The following PLOD2 variants were observed in gnomAD, a reference collection of about 807,000 sequenced individuals.
The protein encoded by PLOD2 is lysine hydroxylase 2.
In PLOD2, 65 loss-of-function variants were observed where a neutral mutation model predicts 101.0. The ratio of observed to expected loss-of-function variants is 0.64; its 90% confidence interval spans 0.53 to 0.79. The LOEUF (loss-of-function observed/expected upper bound fraction) is 0.79. Ranked by LOEUF, PLOD2 falls within the 30% of genes least tolerant of loss-of-function variation. PLOD2 has a pLI of 0.00. For missense variants in PLOD2, 909 were observed against 914.6 expected, an observed-to-expected ratio of 0.99 and a Z score of 0.08; for synonymous variants, 314 against 302.9, an observed-to-expected ratio of 1.04 and a Z score of -0.38.
At chr3:146,151,356 G>A (rs1363961551) in intron 1 of PLOD2, among the ~76,000 whole-genome samples, 1 of 152,180 alleles carries the variant, frequency 6.6e-6, no homozygotes, top group African/African-American at 2.4e-5. Flanking sequence ...AATTAGCAGG[G>A]CATAGTAGCG....
At chr3:146,109,977 A>T (rs1033770598) in intron 4 of PLOD2, among the ~76,000 whole-genome samples, 1 of 152,136 alleles carries the variant, frequency 6.6e-6, no homozygotes, top group African/African-American at 2.4e-5. Flanking sequence ...AAAATTCTCA[A>T]TGTGTCATAA....
chr3:146,075,325 A>G (rs1440815460), intron 15 of PLOD2, among the ~76,000 whole-genome samples: 1 of 151,508 alleles, frequency 6.6e-6, no homozygotes, highest in African/African-American at 2.4e-5. Context: ...TGAGTCTGCA[A>G]TTTAAAACTT....
rs1362247996 is a variant in PLOD2, at chr3:146,158,761, G to T, written c.109+2120C>A. 2.0e-5 allele frequency among the ~76,000 whole-genome samples: 3 copies of T among 151,824 alleles called. No homozygotes were observed. The East Asian group carries it at 5.8e-4, about 29-fold the overall frequency. On this transcript the variant is annotated intron_variant, in intron 1 of 19. Coordinates refer to ENST00000282903, the MANE Select transcript of PLOD2 (RefSeq NM_182943.3). ...CTGCTAAACATCAATGCACAGGATA[G>T]TCCCTCAAAGCAAAGAAGTGTCTGG...
intron 3 of PLOD2, among the ~76,000 whole-genome samples, chr3:146,117,440 T>C (rs1276072338): frequency 1.3e-5 from 2 of 152,132 alleles, no homozygotes; most frequent in African/African-American, 4.8e-5. Context: ...TTCAACTAGA[T>C]TCATTACTCT....
At chr3:146,155,682 TC>T (rs1195711071) in intron 1 of PLOD2, among the ~76,000 whole-genome samples, 1 of 134,872 alleles carries the variant, frequency 7.4e-6, no homozygotes, top group Non-Finnish European at 1.5e-5. Context: ...GCCACTGCAC[TC>T]CAGCCTGGGC....
intron 1 of PLOD2, among the ~76,000 whole-genome samples, chr3:146,149,920 G>A (rs1379786159): frequency 6.6e-6 from 1 of 151,866 alleles, no homozygotes; most frequent in Admixed American, 6.6e-5. Context: ...GAAACAGTAG[G>A]AAAAATAGCC....
intron 4 of PLOD2, among the ~76,000 whole-genome samples, chr3:146,107,835 G>T (rs1183904175): frequency 1.3e-5 from 2 of 151,548 alleles, no homozygotes; most frequent in African/African-American, 4.9e-5. Context: ...GTAGAGATGG[G>T]GTTTCGCCAT....
intron 8 of PLOD2, among the ~76,000 whole-genome samples, chr3:146,091,126 T>C (rs1936957020): frequency 6.6e-6 from 1 of 151,882 alleles, no homozygotes; most frequent in Non-Finnish European, 1.5e-5. Flanking sequence ...TATAACTATC[T>C]ATGAAATACA....
chr3:146,125,481 T>C lies in PLOD2; in HGVS notation c.110-1252A>G, dbSNP rs2030498283. ...GTATTTCTTGGCCAGGCACGGTAGG[T>C]CATGCCTGTAATCTCAGCACTTTGG... On this transcript the variant is annotated intron_variant, in intron 1 of 19. Transcript: ENST00000282903. Among the ~76,000 whole-genome samples the C allele has an allele frequency of 2.0e-5, 3 of 152,130 alleles. No individual in the cohort carries two copies. In the South Asian group the frequency reaches 6.2e-4, roughly 32 times the overall value.
At chr3:146,097,794 AT>A (rs1937254571) in intron 7 of PLOD2, among the ~76,000 whole-genome samples, 1 of 32,244 alleles carries the variant, frequency 3.1e-5, no homozygotes, top group African/African-American at 8.3e-5. Flanking sequence ...AGAATGATCA[AT>A]AAAAAAAAAA....
At chr3:146,116,230 C>CACACAG (rs1319379600) in intron 3 of PLOD2, among the ~76,000 whole-genome samples, 1 of 151,824 alleles carries the variant, frequency 6.6e-6, no homozygotes, top group Non-Finnish European at 1.5e-5. Flanking sequence ...ACCCTCAAAA[C>CACACAG]ACACAGACAC....
At chr3:146,154,748 G>A (rs955102878) in intron 1 of PLOD2, among the ~76,000 whole-genome samples, 1 of 152,004 alleles carries the variant, frequency 6.6e-6, no homozygotes, top group African/African-American at 2.4e-5. Flanking sequence ...ATTTTAAAAT[G>A]ATTTTTATTT....
Position 146,091,863 on chromosome 3 carries a change from T to C in PLOD2, c.816A>G (p.Ser272=), listed in dbSNP as rs766807538. 1.9e-6 allele frequency: 3 copies of C among 1,606,170 alleles called. No individual in the cohort carries two copies. Among genetic ancestry groups the C allele is most frequent in the South Asian group, 2.2e-5 (2 of 90,928 alleles). ...LNYFGNYVPN[S]WTQDNGCTLC... is the part of the protein sequence containing the mutation. ...GAGTGCAGCCATTATCCTGTGTCCA[T>C]GAATTGGGTACATAGTTTCCAAAAT... is the stretch of plus-strand genomic sequence containing the variant. Residue 272 remains serine (S), a synonymous_variant, in exon 8 of 20, where the codon TCA becomes TCG. Coordinates refer to ENST00000282903, the MANE Select transcript of PLOD2 (RefSeq NM_182943.3).
At chr3:146,083,985 A>C (rs759484678) in intron 11 of PLOD2, among the ~76,000 whole-genome samples, 6 of 152,000 alleles carry the variant, frequency 3.9e-5, no homozygotes, top group Non-Finnish European at 7.4e-5. Flanking sequence ...GAGAATAATT[A>C]ATAAATATAT....
intron 11 of PLOD2, among the ~76,000 whole-genome samples, chr3:146,083,771 T>C (rs1161086712): frequency 6.6e-6 from 1 of 151,890 alleles, no homozygotes; most frequent in East Asian, 1.9e-4. Flanking sequence ...TTAGTAGAGA[T>C]GGCGTTTCAC....
intron 1 of PLOD2, among the ~76,000 whole-genome samples, chr3:146,140,108 T>C (rs1350761746): frequency 1.3e-5 from 2 of 152,036 alleles, no homozygotes; most frequent in Non-Finnish European, 2.9e-5. Flanking sequence ...TATAAATCCA[T>C]ACAGGGTCAG....
At chr3:146,129,928 C>T (rs558853432) in intron 1 of PLOD2, among the ~76,000 whole-genome samples, 1 of 152,272 alleles carries the variant, frequency 6.6e-6, no homozygotes, top group East Asian at 1.9e-4. Context: ...CAACTTTGTA[C>T]ACTCTAAACC....
At chr3:146,157,040 A>G (rs375469608) in intron 1 of PLOD2, among the ~76,000 whole-genome samples, 2 of 152,228 alleles carry the variant, frequency 1.3e-5, no homozygotes, top group Non-Finnish European at 2.9e-5. Flanking sequence ...TGGTTCAGAA[A>G]CAAGGCAGCA....
chr3:146,096,567 TG>T (rs1440892920), intron 7 of PLOD2, among the ~76,000 whole-genome samples: 2 of 88,164 alleles, frequency 2.3e-5, no homozygotes, highest in Admixed American at 2.0e-4. Flanking sequence ...GCGCCTCTGC[TG>T]GGCCGCAACC....
Sources: allele counts gnomAD v4.1 joint callset (sites outside exome capture counted in the v4.1 genomes callset), GRCh38; gene constraint gnomAD v4.1.1; transcripts MANE v1.5; gene names NCBI Gene and HGNC (gene_info 2026-07-23, HGNC 2026-07-21).